The following INSR variants were observed in gnomAD, a reference collection of about 807,000 sequenced individuals.
The protein encoded by INSR is IR.
Under a neutral mutation model 142.6 loss-of-function variants are expected in INSR, and 67 were observed. The observed-to-expected ratio is 0.47, with a 90% CI of 0.39 to 0.58. The LOEUF is 0.58. Ranked by LOEUF, INSR falls within the 20% of genes least tolerant of loss-of-function variation. The pLI, the probability that INSR is intolerant of heterozygous loss-of-function variation, is 0.00. For missense variants in INSR, 1,248 were observed against 1,833.2 expected (o/e 0.68, Z 5.83); for synonymous variants, 756 against 743.1 (o/e 1.02, Z -0.28).
At chr19:7,153,881 A>G (rs552653032) in intron 9 of INSR, among the ~76,000 whole-genome samples, 31 of 151,894 alleles carry the variant, frequency 2.0e-4, no homozygotes, top group Admixed American at 1.8e-3. Flanking sequence ...ACCAATAAAA[A>G]TAGGCCAGGC....
intron 9 of INSR, 87 bp downstream of exon 9, chr19:7,162,945 G>A (rs1389063694): frequency 8.5e-6 from 11 of 1,299,238 alleles, no homozygotes; most frequent in African/African-American, 7.3e-5. Flanking sequence ...CACAGGAAGA[G>A]ATAGCTGCTT....
Position 7,132,234 on chromosome 19 carries a change from G to A in INSR, c.2766C>T (p.Ser922=), listed in dbSNP as rs145713001. The A allele has an allele frequency of 4.9e-5, 79 of 1,614,102 alleles. No individual in the cohort carries two copies. Among genetic ancestry groups the A allele is most frequent in the East Asian group, 4.0e-4 (18 of 44,890 alleles). The part of the protein sequence containing the change: ...RLRGLSPGNY[S]VRIRATSLAG... ...CAAGGGAGGTGGCCCGGATTCGCACGCTGTAGTTCCCCGGTGACAGCCCAC... is the reference window on the plus strand; with the variant it reads ...CAAGGGAGGTGGCCCGGATTCGCACACTGTAGTTCCCCGGTGACAGCCCAC... Residue 922 remains serine, a synonymous_variant, in exon 14 of 22, where the codon AGC becomes AGT. Coordinates refer to ENST00000302850, the MANE Select transcript of INSR (RefSeq NM_000208.4).
At chr19:7,145,990 CT>C (rs34967188) in intron 11 of INSR, among the ~76,000 whole-genome samples, 4 of 152,084 alleles carry the variant, frequency 2.6e-5, no homozygotes, top group South Asian at 2.1e-4. Flanking sequence ...TATGAAGCCT[CT>C]TTTTTTCCTC....
intron 2 of INSR, among the ~76,000 whole-genome samples, chr19:7,255,441 G>A (rs1027138343): frequency 4.7e-5 from 7 of 150,156 alleles, no homozygotes; most frequent in East Asian, 1.9e-4. Flanking sequence ...CCCACAAAAC[G>A]CCTCTTGGCC....
intron 2 of INSR, among the ~76,000 whole-genome samples, chr19:7,209,961 T>C (rs1975224693): frequency 6.6e-6 from 1 of 151,906 alleles, no homozygotes; most frequent in Admixed American, 6.6e-5. Context: ...GAAATGTCTA[T>C]TGGTTGTGGG....
At chr19:7,158,726 G>C (rs1337040630) in intron 9 of INSR, among the ~76,000 whole-genome samples, 1 of 151,998 alleles carries the variant, frequency 6.6e-6, no homozygotes, top group Non-Finnish European at 1.5e-5. Flanking sequence ...GCTCAACTGT[G>C]CTCTTAAACA....
chr19:7,172,554 C>T (rs1006819774), intron 4 of INSR, 120 bp from the exon 5 acceptor site: 1 of 1,059,446 alleles, frequency 9.4e-7, no homozygotes, highest in African/African-American at 1.6e-5. Flanking sequence ...CAGCTCAAAA[C>T]TCATCATGCT....
At position 7,152,720 on chromosome 19, in the gene INSR, C is replaced by T; in HGVS notation, c.2231+6G>A. 6.2e-7 allele frequency: 1 copy of T among 1,611,532 alleles called. No homozygotes were observed. On this transcript the variant is annotated splice_donor_region_variant and intron_variant, in intron 10 of 21. Transcript: ENST00000302850. ...CCACTAAGAGAGCCCAGCGCCAAGT[C>T]CTGACCTGGGGACGAAAACCACGTT... is the stretch of plus-strand genomic sequence containing the variant.
intron 9 of INSR, among the ~76,000 whole-genome samples, chr19:7,158,972 G>T (rs540389877): frequency 6.6e-6 from 1 of 151,906 alleles, no homozygotes; most frequent in Non-Finnish European, 1.5e-5. Context: ...GCGTGATCTC[G>T]GCTCACTGCA....
In INSR at chr19:7,125,555, C is replaced by T; in HGVS notation, c.3014-28G>A. ...ACTTCTTACTTATCTACACAGCATC[C>T]TTGGAGGATCCCTTGGGGGTCTGCA... On this transcript the variant is annotated intron_variant, in intron 16 of 21. Coordinates refer to ENST00000302850, the MANE Select transcript of INSR (RefSeq NM_000208.4). The surrounding 1 kb of genome is among the most constrained non-coding windows in gnomAD (Gnocchi z 4.9). 6.2e-7 allele frequency: 1 copy of T among 1,610,508 alleles called. No homozygotes were observed. The highest frequency in any genetic ancestry group is 8.5e-7 in the Non-Finnish European group (1 of 1,179,968).
At chr19:7,234,514 A>T (rs1012285467) in intron 2 of INSR, among the ~76,000 whole-genome samples, 3 of 152,124 alleles carry the variant, frequency 2.0e-5, no homozygotes, top group Non-Finnish European at 2.9e-5. Context: ...GACCAAGATG[A>T]TTTAAAGTAT....
rs531911795 is a variant in INSR at position 7,193,865 on chromosome 19, T to C, written c.653-9228A>G. Among the ~76,000 whole-genome samples, 8 of 152,118 alleles carry C rather than the reference T, an allele frequency of 5.3e-5. 1 individual carries two copies. The South Asian group carries it at 1.7e-3, about 32-fold the overall frequency. ...CCACCATGCTTGGCTAATTTTTGTATATGTATATATACATTTGGTAGAGAT... is the reference window on the plus strand; with the variant it reads ...CCACCATGCTTGGCTAATTTTTGTACATGTATATATACATTTGGTAGAGAT... On this transcript the variant is annotated intron_variant, in intron 2 of 21. Coordinates refer to ENST00000302850, the MANE Select transcript of INSR (RefSeq NM_000208.4).
intron 1 of INSR, among the ~76,000 whole-genome samples, chr19:7,270,339 T>TCACACACACACACACA (rs1178953100): frequency 8.3e-6 from 1 of 120,244 alleles, no homozygotes; most frequent in African/African-American, 3.4e-5. Flanking sequence ...TCTCTCTCTC[T>TCACACACACACACACA]CACACACACA....
At chr19:7,182,591 G>A (rs745692123) in intron 3 of INSR, among the ~76,000 whole-genome samples, 2 of 152,060 alleles carry the variant, frequency 1.3e-5, no homozygotes, top group African/African-American at 2.4e-5. Flanking sequence ...AAAATACGGT[G>A]ACAATGCACC....
chr19:7,134,489 G>A (rs1039792020), intron 13 of INSR, among the ~76,000 whole-genome samples: 4 of 151,304 alleles, frequency 2.6e-5, no homozygotes, highest in Admixed American at 6.6e-5. Flanking sequence ...GTTGAAGCCC[G>A]GGCACGGTGG....
chr19:7,149,790 C>G (rs1323478365), intron 11 of INSR, among the ~76,000 whole-genome samples: 1 of 149,338 alleles, frequency 6.7e-6, no homozygotes, highest in African/African-American at 2.5e-5. Context: ...CCACTGCACT[C>G]TAGCCTGGGC....
chr19:7,116,416 A>T lies in INSR; in HGVS notation c.*640T>A, dbSNP rs1438933962. The T allele has an allele frequency of 6.6e-6, 1 of 152,050 alleles. No homozygotes were observed. Among genetic ancestry groups the T allele is most frequent in the African/African-American group, 2.4e-5 (1 of 41,264 alleles). The allele number at this position is 152,050 out of a possible 1,614,324, so 9.4% of individuals were successfully genotyped here. ...TCAGCCGTGTCTAATGGACACACAC[A>T]CGTGCATACACACGTGAGCACACGC... is the stretch of plus-strand genomic sequence containing the variant. On this transcript the variant is annotated 3_prime_UTR_variant, in exon 22 of 22. Coordinates refer to ENST00000302850, the MANE Select transcript of INSR (RefSeq NM_000208.4).
chr19:7,250,368 G>A (rs1976673916), intron 2 of INSR, among the ~76,000 whole-genome samples: 1 of 138,834 alleles, frequency 7.2e-6, no homozygotes, highest in African/African-American at 2.8e-5. Context: ...AAAGAGGAAG[G>A]AGGAGGGAGA....
At chr19:7,212,155 G>C (rs1222800017) in intron 2 of INSR, among the ~76,000 whole-genome samples, 1 of 150,392 alleles carries the variant, frequency 6.6e-6, no homozygotes, top group Non-Finnish European at 1.5e-5. Context: ...GACAACCACA[G>C]ATGTCCCCAG....
Sources: allele counts gnomAD v4.1 joint callset (sites outside exome capture counted in the v4.1 genomes callset), GRCh38; gene constraint gnomAD v4.1.1; non-coding constraint Gnocchi (gnomAD v3.1); transcripts MANE v1.5; gene names NCBI Gene and HGNC (gene_info 2026-07-23, HGNC 2026-07-21).